The following OSBPL2 variants were observed in gnomAD, a reference collection of about 807,000 sequenced individuals.
The protein encoded by OSBPL2 is oxysterol binding protein like 2, also known as oxysterol-binding protein-related protein 2.
OSBPL2 carries 18 observed loss-of-function variants against 58.4 expected under a neutral mutation model. The ratio of observed to expected loss-of-function variants is 0.31; its 90% CI spans 0.21 to 0.46. The LOEUF is 0.46. Ranked by LOEUF, OSBPL2 falls within the 20% of genes least tolerant of loss-of-function variation. The pLI is 1.00. For missense variants in OSBPL2, 461 were observed against 616.5 expected, an observed-to-expected ratio of 0.75 and a Z score of 2.67; for synonymous variants, 221 against 234.1, an observed-to-expected ratio of 0.94 and a Z score of 0.51.
intron 7 of OSBPL2, among the ~76,000 whole-genome samples, chr20:62,280,578 C>T: frequency 6.6e-6 from 1 of 152,222 alleles, no homozygotes; most frequent in South Asian, 2.1e-4. Context: ...TGCTGCCTCA[C>T]ATTGGTGGGG....
chr20:62,291,035 G>C (rs1028168116), intron 12 of OSBPL2, among the ~76,000 whole-genome samples: 1 of 152,058 alleles, frequency 6.6e-6, no homozygotes, highest in South Asian at 2.1e-4. Context: ...CCTAATTTTT[G>C]TATTTTTTAT....
intron 5 of OSBPL2, among the ~76,000 whole-genome samples, chr20:62,272,494 G>T (rs1026456453): frequency 2.0e-5 from 3 of 152,208 alleles, no homozygotes; most frequent in Non-Finnish European, 4.4e-5. Context: ...CCCTGCTGCC[G>T]CCTCCTGCCG....
chr20:62,282,947 A>G (rs1464273000), intron 9 of OSBPL2, among the ~76,000 whole-genome samples: 1 of 152,204 alleles, frequency 6.6e-6, no homozygotes, highest in Non-Finnish European at 1.5e-5. Context: ...TTTCTCCCAT[A>G]AAACATGTGA....
rs771447310 is a variant in OSBPL2 at position 62,291,689 on chromosome 20, T to G, written c.1250-14T>G. On this transcript the variant is annotated splice_polypyrimidine_tract_variant and intron_variant, in intron 12 of 13. Coordinates refer to ENST00000313733, the MANE Select transcript of OSBPL2 (RefSeq NM_144498.4). ...AGGTCTCTGTCTGACCTAAACTGTT[T>G]GCTTGGATCCTAGATCTGGCCAGCC... 15 of 1,612,934 alleles carry G rather than the reference T, an allele frequency of 9.3e-6. No individual in the cohort carries two copies. In the South Asian group the frequency reaches 1.6e-4, roughly 18 times the overall value.
chr20:62,251,207 C>A (rs1005540537), intron 1 of OSBPL2, among the ~76,000 whole-genome samples: 14 of 151,574 alleles, frequency 9.2e-5, no homozygotes, highest in Non-Finnish European at 1.5e-4. Context: ...CTGCGCCGGC[C>A]ACCACGCCCG....
intron 11 of OSBPL2, among the ~76,000 whole-genome samples, chr20:62,287,771 G>A (rs1277763220): frequency 1.3e-5 from 2 of 152,206 alleles, no homozygotes; most frequent in Non-Finnish European, 2.9e-5. Flanking sequence ...GATACTATTG[G>A]TATTTTAAAT....
chr20:62,253,409 G>A (rs564133527), intron 1 of OSBPL2, among the ~76,000 whole-genome samples: 10 of 152,326 alleles, frequency 6.6e-5, no homozygotes, highest in Admixed American at 2.6e-4. Flanking sequence ...TGTATTCACC[G>A]TGTTTCAGCC....
chr20:62,261,572 T>C (rs913451431), intron 3 of OSBPL2, among the ~76,000 whole-genome samples: 2 of 152,138 alleles, frequency 1.3e-5, no homozygotes, highest in Non-Finnish European at 1.5e-5. Context: ...CCTACAGATA[T>C]GGGAGCCCCC....
intron 10 of OSBPL2, 31 bp downstream of exon 10, chr20:62,284,200 G>A: frequency 6.2e-7 from 1 of 1,613,796 alleles, no homozygotes; most frequent in South Asian, 1.1e-5. Context: ...GGGCAGAGCT[G>A]AGCCCTGGGT....
intron 1 of OSBPL2, chr20:62,239,207 T>C (rs1274335961): frequency 6.6e-6 from 1 of 152,214 alleles, no homozygotes; most frequent in Non-Finnish European, 1.5e-5. Flanking sequence ...CTGGGCTCTG[T>C]TTTTGTTTTT....
At position 62,283,606 on chromosome 20, in the gene OSBPL2, A is replaced by G. The variant is rs186612970; in HGVS notation, c.873-440A>G. ...CTGATTGATAGAAAAGGGCTGAAGG[A>G]CACACACACAACACATTGAGTGTGT... On this transcript the variant is annotated intron_variant, in intron 9 of 13. Coordinates refer to ENST00000313733, the MANE Select transcript of OSBPL2 (RefSeq NM_144498.4). 1.4e-4 allele frequency among the ~76,000 whole-genome samples: 21 copies of G among 152,314 alleles called. No individual in the cohort carries two copies. The East Asian group carries it at 3.9e-3, about 28-fold the overall frequency.
At chr20:62,251,271 G>T (rs1404033939) in intron 1 of OSBPL2, among the ~76,000 whole-genome samples, 1 of 151,312 alleles carries the variant, frequency 6.6e-6, no homozygotes, top group Non-Finnish European at 1.5e-5. Context: ...AGCCAGGATG[G>T]TCTCGATTTC....
chr20:62,251,037 A>ATTTTTTT (rs35328509), intron 1 of OSBPL2, among the ~76,000 whole-genome samples: 5 of 97,810 alleles, frequency 5.1e-5, no homozygotes, highest in Admixed American at 1.3e-4. Flanking sequence ...AGAGCAATAG[A>ATTTTTTT]TTTTTTTTTT....
At position 62,272,364 on chromosome 20, in the gene OSBPL2, G is replaced by T. The variant is rs901277081; in HGVS notation, c.393+105G>T. 6 of 1,260,908 alleles carry T rather than the reference G, an allele frequency of 4.8e-6. No individual in the cohort carries two copies. In the South Asian group the frequency reaches 5.4e-5, roughly 11 times the overall value. The allele number at this position is 1,260,908 out of a possible 1,614,324, so 78.1% of individuals were successfully genotyped here. A position where few individuals can be genotyped will look rare whatever the true frequency, so the allele number is the denominator to read the frequency against. On this transcript the variant is annotated intron_variant, in intron 5 of 13. Coordinates refer to ENST00000313733, the MANE Select transcript of OSBPL2 (RefSeq NM_144498.4). The stretch of plus-strand genomic sequence containing the variant: ...CCAGGCATCTGTGAGGACTCGCACA[G>T]CTCCCCCCAGTGTTCAGTGCCATCC...
At chr20:62,293,554 T>G (rs950899953) in intron 13 of OSBPL2, among the ~76,000 whole-genome samples, 1 of 152,186 alleles carries the variant, frequency 6.6e-6, no homozygotes, top group Non-Finnish European at 1.5e-5. Flanking sequence ...ACCCTCAAGA[T>G]TTTGTTGGGA....
rs371537673 is a variant in OSBPL2 at position 62,270,610 on chromosome 20, G to A, written c.259-1515G>A. On this transcript the variant is annotated intron_variant, in intron 4 of 13. Transcript: ENST00000313733. ...TGGGTCCTCTCCTTGTCCCTCTCTGGCCTCTCTGGGTCCTCTCTGACCTCT... is the reference window on the plus strand; with the variant it reads ...TGGGTCCTCTCCTTGTCCCTCTCTGACCTCTCTGGGTCCTCTCTGACCTCT... Among the ~76,000 whole-genome samples, 171 of 26,264 alleles carry A rather than the reference G, an allele frequency of 6.5e-3. 4 individuals carry two copies. The highest frequency in any genetic ancestry group is 0.029 in the Middle Eastern group (1 of 34). 17.2% of individuals were successfully genotyped at this position (26,264 alleles called of 152,430 possible).
intron 12 of OSBPL2, among the ~76,000 whole-genome samples, chr20:62,290,422 T>TTTG (rs975056872): frequency 1.5e-5 from 2 of 137,546 alleles, no homozygotes; most frequent in African/African-American, 2.7e-5. Flanking sequence ...TTTTTTTTTT[T>TTTG]TTTTTTTTTT....
intron 1 of OSBPL2, among the ~76,000 whole-genome samples, chr20:62,239,770 A>G (rs567275965): frequency 2.0e-5 from 3 of 152,270 alleles, no homozygotes; most frequent in African/African-American, 7.2e-5. Context: ...ACTCGTGCCC[A>G]TGGCCTCTTT....
chr20:62,283,938 A>G (rs1982950383), intron 9 of OSBPL2, 108 bp from the exon 10 acceptor site: 1 of 1,111,190 alleles, frequency 9.0e-7, no homozygotes. Context: ...ATGTCCCAAG[A>G]TGCATAAGAA....
Sources: gnomAD v4.1 joint callset for allele counts (sites outside exome capture counted in the v4.1 genomes callset) on GRCh38, gnomAD v4.1.1 for gene constraint, MANE v1.5 for transcripts, NCBI Gene and HGNC (gene_info 2026-07-23, HGNC 2026-07-21) for gene names.